The following ZNF649 variants were observed in gnomAD, a reference collection of about 807,000 sequenced individuals.
ZNF649 encodes the protein zinc finger protein 649.
A neutral mutation model predicts 14.1 loss-of-function variants in ZNF649; 7 were observed. The ratio of observed to expected loss-of-function variants is 0.49; its 90% CI spans 0.28 to 0.93. The LOEUF is 0.93. ZNF649 is among the 40% of genes least tolerant of loss of function. ZNF649 has a pLI of 0.10. For missense variants in ZNF649, 544 were observed against 608.1 expected (o/e 0.89, Z 1.11); for synonymous variants, 227 against 212.3 (o/e 1.07, Z -0.60).
chr19:51,893,076 A>G (rs1405569343), intron 4 of ZNF649, among the ~76,000 whole-genome samples: 1 of 152,120 alleles, frequency 6.6e-6, no homozygotes, highest in African/African-American at 2.4e-5. Context: ...AACTGCAGCT[A>G]TGATTGGACA....
intron 2 of ZNF649, chr19:51,897,195 A>C (rs2085067921): frequency 1.8e-6 from 1 of 542,222 alleles, no homozygotes; most frequent in Non-Finnish European, 3.2e-6. Context: ...ACTCTGTATA[A>C]GCGAGTTTCA....
At chr19:51,898,489 G>A (rs1442647778) in intron 2 of ZNF649, among the ~76,000 whole-genome samples, 6 of 152,078 alleles carry the variant, frequency 3.9e-5, no homozygotes, top group Non-Finnish European at 2.9e-5. Context: ...AAGGTCCAAA[G>A]GGTGCCAAGC....
rs2085013649 is a variant in ZNF649, at chr19:51,890,661, A to G, written c.1475T>C (p.Met492Thr). The G allele has an allele frequency of 7.4e-6, 12 of 1,614,086 alleles. No individual in the cohort carries two copies. Among genetic ancestry groups the G allele is most frequent in the Non-Finnish European group, 1.0e-5 (12 of 1,179,984 alleles). Reference protein sequence around the residue: ...KSPVNMVTVAMVAGQCEFAHI... With the variant: ...KSPVNMVTVATVAGQCEFAHI... ...GGCAAACTCACACTGCCCTGCCACCATTGCCACAGTTACCATATTAACAGG... is the reference window on the plus strand; with the variant it reads ...GGCAAACTCACACTGCCCTGCCACCGTTGCCACAGTTACCATATTAACAGG... Residue 492 changes from methionine (M) to threonine (T), a missense_variant, in exon 5 of 5, where the codon ATG becomes ACG. Coordinates refer to ENST00000354957, the MANE Select transcript of ZNF649 (RefSeq NM_023074.4).
At chr19:51,902,082 A>G (rs1466757454) in intron 1 of ZNF649, among the ~76,000 whole-genome samples, 1 of 152,158 alleles carries the variant, frequency 6.6e-6, no homozygotes, top group Non-Finnish European at 1.5e-5. Context: ...TTCACCTCCA[A>G]AGAAATAGCG....
intron 1 of ZNF649, 165 bp from the exon 2 acceptor site, chr19:51,900,459 C>G: frequency 4.4e-6 from 1 of 225,294 alleles, no homozygotes; most frequent in Non-Finnish European, 8.6e-6. Context: ...AAACAACACT[C>G]TGAATGTGGG....
At position 51,891,207 on chromosome 19, in the gene ZNF649, C is replaced by T. The variant is rs1184191478; in HGVS notation, c.929G>A (p.Arg310Gln). The change falls in exon 5 of 5, where the codon CGA (arginine) becomes CAA (glutamine). Residue 310 changes from arginine to glutamine, a missense_variant. Arg to Gln is a conservative substitution (Grantham distance 43). Coordinates refer to ENST00000354957, the MANE Select transcript of ZNF649 (RefSeq NM_023074.4). This position sits in a 1 kb window ranked among gnomAD's most constrained non-coding sequence, Gnocchi z 4.2. ...SRKSLLVVHQ[R>Q]THTGEKPHTC... is the part of the protein sequence containing the mutation. Reference sequence around the variant, plus strand: ...ATGAGGCTTCTCTCCTGTATGAGTTCGCTGATGTACAACGAGTAGTGATTT... The same window carrying T: ...ATGAGGCTTCTCTCCTGTATGAGTTTGCTGATGTACAACGAGTAGTGATTT... 2.4e-5 allele frequency: 39 copies of T among 1,614,250 alleles called. No individual in the cohort carries two copies. The highest frequency in any genetic ancestry group is 3.1e-5 in the Non-Finnish European group (37 of 1,180,046).
chr19:51,900,308 A>T lies in ZNF649; in HGVS notation c.-187-14T>A. 2.4e-6 allele frequency: 1 copy of T among 423,912 alleles called. No individual in the cohort carries two copies. The allele number at this position is 423,912 out of a possible 1,614,324, so 26.3% of individuals were successfully genotyped here. A position where few individuals can be genotyped will look rare whatever the true frequency, so the allele number is the denominator to read the frequency against. On this transcript the variant is annotated splice_polypyrimidine_tract_variant and intron_variant, in intron 1 of 4. Coordinates refer to ENST00000354957, the MANE Select transcript of ZNF649 (RefSeq NM_023074.4). ...GGGAGCCAGGACCTATGGAGTAAAAATCAAGTTCATTTGGTGACACATTCC... is the reference window on the plus strand; with the variant it reads ...GGGAGCCAGGACCTATGGAGTAAAATTCAAGTTCATTTGGTGACACATTCC...
At chr19:51,897,331 T>C (rs961202504) in intron 2 of ZNF649, 4 of 187,482 alleles carry the variant, frequency 2.1e-5, no homozygotes, top group Non-Finnish European at 4.5e-5. Flanking sequence ...AGCAAAGTCA[T>C]AGTAAAATAT....
intron 4 of ZNF649, among the ~76,000 whole-genome samples, chr19:51,892,681 A>G (rs2085032315): frequency 6.6e-6 from 1 of 152,188 alleles, no homozygotes; most frequent in Non-Finnish European, 1.5e-5. Context: ...GCCCTTCTCC[A>G]TTCTGTAGAC....
At position 51,899,888 on chromosome 19, in the gene ZNF649, T is replaced by C. The variant is rs190146876; in HGVS notation, c.15+205A>G. The C allele has an allele frequency of 6.1e-4, 253 of 412,820 alleles. 1 individual carries two copies. Among genetic ancestry groups the C allele is most frequent in the African/African-American group, 4.9e-3 (239 of 48,950 alleles). 25.6% of individuals were successfully genotyped at this position (412,820 alleles called of 1,614,324 possible). A position where few individuals can be genotyped will look rare whatever the true frequency, so the allele number is the denominator to read the frequency against. On this transcript the variant is annotated intron_variant, in intron 2 of 4. Coordinates refer to ENST00000354957, the MANE Select transcript of ZNF649 (RefSeq NM_023074.4). Reference sequence around the variant, plus strand: ...CAGGGTCTGGCAGAGTCGCACATTATATTCCAACACTGGTCACATGTGAAC... The same window carrying C: ...CAGGGTCTGGCAGAGTCGCACATTACATTCCAACACTGGTCACATGTGAAC...
Position 51,891,258 on chromosome 19 carries a change from CT to C in ZNF649, c.877del (p.Ser293AlafsTer70). 1 of 1,614,238 alleles carries C rather than the reference CT, an allele frequency of 6.2e-7. No homozygotes were observed. The highest frequency in any genetic ancestry group is 1.6e-4 in the Middle Eastern group (1 of 6,062). Reference protein sequence around the residue: ...IHTGIKPHQCSECGRAFSRKS... With the variant: ...IHTGIKPHQCXECGRAFSRKS... ...TCTGGAGAAAGCTCTCCCACATTCG[CT>C]GCATTGATGGGGCTTAATTCCCGTG... is the stretch of plus-strand genomic sequence containing the variant. On this transcript the variant is annotated frameshift_variant, in exon 5 of 5. Transcript: ENST00000354957. LOFTEE classifies it low-confidence loss of function (END_TRUNC). The surrounding 1 kb of genome is among the most constrained non-coding windows in gnomAD (Gnocchi z 4.2).
In ZNF649 at chr19:51,890,672, T is replaced by C; in HGVS notation, c.1464A>G (p.Val488=). Reference sequence around the variant, plus strand: ...ACTGCCCTGCCACCATTGCCACAGTTACCATATTAACAGGGCTTTTCCCCT... The same window carrying C: ...ACTGCCCTGCCACCATTGCCACAGTCACCATATTAACAGGGCTTTTCCCCT... ...HVQGKSPVNM[V]TVAMVAGQCE... The change falls in exon 5 of 5, where the codon GTA becomes GTG. Residue 488 remains valine (V), a synonymous_variant. Transcript: ENST00000354957. 1 of 1,614,166 alleles carries C rather than the reference T, an allele frequency of 6.2e-7. No individual in the cohort carries two copies. Among genetic ancestry groups the C allele is most frequent in the Non-Finnish European group, 8.5e-7 (1 of 1,180,018 alleles).
chr19:51,897,596 C>A (rs1005844055), intron 2 of ZNF649, among the ~76,000 whole-genome samples: 3 of 152,062 alleles, frequency 2.0e-5, no homozygotes, highest in Non-Finnish European at 2.9e-5. Context: ...AAAAAATAAG[C>A]CATCATACAT....
chr19:51,896,750 G>T, intron 3 of ZNF649, 102 bp downstream of exon 3: 1 of 1,610,412 alleles, frequency 6.2e-7, no homozygotes, highest in East Asian at 2.2e-5. Flanking sequence ...CTGAGGATCT[G>T]CCATTTGGGA....
At chr19:51,898,013 G>T (rs554758274) in intron 2 of ZNF649, among the ~76,000 whole-genome samples, 1 of 147,784 alleles carries the variant, frequency 6.8e-6, no homozygotes, top group African/African-American at 2.5e-5. Flanking sequence ...CATGAGAATC[G>T]CTTGAACCCA....
At position 51,891,993 on chromosome 19, in the gene ZNF649, C is replaced by T. The variant is rs771205922; in HGVS notation, c.239-96G>A. On this transcript the variant is annotated intron_variant, in intron 4 of 4. Transcript: ENST00000354957. The surrounding 1 kb of genome is among the most constrained non-coding windows in gnomAD (Gnocchi z 4.2). The stretch of plus-strand genomic sequence containing the variant: ...GTTGGCTGGCTTTTTACTGGAACCC[C>T]TATAATACCAACATGGAAGGAATTC... The T allele has an allele frequency of 6.1e-5, 82 of 1,344,672 alleles. No individual in the cohort carries two copies. The highest frequency in any genetic ancestry group is 7.9e-5 in the Non-Finnish European group (80 of 1,006,974). The allele number at this position is 1,344,672 out of a possible 1,614,324, so 83.3% of individuals were successfully genotyped here.
Position 51,891,839 on chromosome 19 carries a change from C to T in ZNF649, c.297G>A (p.Lys99=), listed in dbSNP as rs374266583. ...CGTGTTCATAGCGTTGTCCCGTCCT[C>T]TTCAGTATTTTTTGGTTTTGCAAGG... is the stretch of plus-strand genomic sequence containing the variant. ...QQPLQNQKIL[K]RTGQRYEHGR... Residue 99 remains lysine (K), a synonymous_variant, in exon 5 of 5, where the codon AAG becomes AAA. Transcript: ENST00000354957. The surrounding 1 kb of genome is among the most constrained non-coding windows in gnomAD (Gnocchi z 4.2). The T allele has an allele frequency of 1.1e-5, 18 of 1,586,560 alleles. 1 individual carries two copies. The highest frequency in any genetic ancestry group is 1.1e-4 in the South Asian group (9 of 85,700).
In ZNF649 at chr19:51,896,659, A is replaced by G. The variant is rs2122765790; in HGVS notation, c.143-92T>C. The G allele has an allele frequency of 5.2e-6, 8 of 1,537,652 alleles. No individual in the cohort carries two copies. The South Asian group carries it at 5.6e-5, about 11-fold the overall frequency. ...GAAAGGTACATGTTAGGGACTGCAT[A>G]ATTTGCATGTTAGCAAATTAAAGGC... On this transcript the variant is annotated intron_variant, in intron 3 of 4. Coordinates refer to ENST00000354957, the MANE Select transcript of ZNF649 (RefSeq NM_023074.4).
chr19:51,895,758 T>C (rs532473481), intron 4 of ZNF649, among the ~76,000 whole-genome samples: 3 of 151,584 alleles, frequency 2.0e-5, no homozygotes, highest in Admixed American at 6.6e-5. Context: ...ATATATAAAG[T>C]ATATATATAA....
Sources: gnomAD v4.1 joint callset for allele counts (sites outside exome capture counted in the v4.1 genomes callset) on GRCh38, gnomAD v4.1.1 for gene constraint, Gnocchi (gnomAD v3.1) non-coding constraint, MANE v1.5 for transcripts, NCBI Gene and HGNC (gene_info 2026-07-23, HGNC 2026-07-21) for gene names.